The following SLC13A1 variants were observed in gnomAD, a reference collection of about 807,000 sequenced individuals.
The protein encoded by SLC13A1 is solute carrier family 13 member 1, also known as Na(+)/sulfate cotransporter.
A neutral mutation model predicts 70.0 loss-of-function variants in SLC13A1; 65 were observed. The ratio of observed to expected loss-of-function variants is 0.93; its 90% confidence interval spans 0.76 to 1.14. SLC13A1 has a LOEUF of 1.14. SLC13A1 is among the 50% of genes most tolerant of loss of function. SLC13A1 has a pLI of 0.00. For missense variants in SLC13A1, 726 were observed against 717.8 expected (o/e 1.01, Z -0.13); for synonymous variants, 275 against 250.5 (o/e 1.10, Z -0.92).
chr7:123,148,987 A>G (rs912503338), intron 6 of SLC13A1, among the ~76,000 whole-genome samples: 1 of 151,924 alleles, frequency 6.6e-6, no homozygotes, highest in Non-Finnish European at 1.5e-5. Context: ...TTTTGAAATG[A>G]CTCCATCTGG....
chr7:123,172,450 ATC>A (rs1009693865), intron 2 of SLC13A1, among the ~76,000 whole-genome samples: 1 of 152,150 alleles, frequency 6.6e-6, no homozygotes, highest in African/African-American at 2.4e-5. Flanking sequence ...GTGAAACCCT[ATC>A]TCTACCAAAA....
At chr7:123,188,972 G>A (rs955085139) in intron 1 of SLC13A1, among the ~76,000 whole-genome samples, 18 of 150,856 alleles carry the variant, frequency 1.2e-4, no homozygotes, top group Non-Finnish European at 2.1e-4. Context: ...AAAATTAGCC[G>A]GGTGTAGTGG....
At chr7:123,167,176 T>C (rs149664383) in intron 6 of SLC13A1, among the ~76,000 whole-genome samples, 3,853 of 152,270 alleles carry the variant, frequency 0.025, 65 homozygotes, top group Non-Finnish European at 0.03. Context: ...CTATTTGACC[T>C]AGCCATCCCA....
At chr7:123,151,199 C>G (rs1794543192) in intron 6 of SLC13A1, among the ~76,000 whole-genome samples, 1 of 151,962 alleles carries the variant, frequency 6.6e-6, no homozygotes, top group Non-Finnish European at 1.5e-5. Context: ...TTGCAGGCAC[C>G]TGTAATCCCC....
At position 123,180,978 on chromosome 7, in the gene SLC13A1, T is replaced by C; in HGVS notation, c.223A>G (p.Lys75Glu). 6.2e-7 allele frequency: 1 copy of C among 1,610,802 alleles called. No individual in the cohort carries two copies. The highest frequency in any genetic ancestry group is 8.5e-7 in the Non-Finnish European group (1 of 1,178,116). Residue 75 changes from lysine to glutamate, a missense_variant, in exon 2 of 15, where the codon AAG becomes GAG. Lys to Glu is a moderately conservative substitution (Grantham distance 56). Transcript: ENST00000194130. Reference protein sequence around the residue: ...MLPMFGIMPSKKVASAYFKDF... With the variant: ...MLPMFGIMPSEKVASAYFKDF... ...ACATTGGCAAGAGGACTTACCTTCT[T>C]AGAAGGCATGATCCCAAACATGGGT...
chr7:123,133,230 C>T (rs1240017748), intron 8 of SLC13A1, among the ~76,000 whole-genome samples: 1 of 152,088 alleles, frequency 6.6e-6, no homozygotes, highest in African/African-American at 2.4e-5. Flanking sequence ...GAATTTTATT[C>T]CTGGTCTACT....
Position 123,114,082 on chromosome 7 carries a change from TCAAA to T in SLC13A1, c.*1432_*1435del, listed in dbSNP as rs1415168818. On this transcript the variant is annotated 3_prime_UTR_variant, in exon 15 of 15. Coordinates refer to ENST00000194130, the MANE Select transcript of SLC13A1 (RefSeq NM_022444.4). ...CTGGGCGACAGAGCGAGACTCCGTC[TCAAA>T]AAAAAAAAAAAAAAAAAAAAAGCAA... 1 of 31,070 alleles carries T rather than the reference TCAAA, an allele frequency of 3.2e-5. No individual in the cohort carries two copies. Among genetic ancestry groups the T allele is most frequent in the African/African-American group, 1.2e-4 (1 of 8,562 alleles). 1.9% of individuals were successfully genotyped at this position (31,070 alleles called of 1,614,324 possible).
At chr7:123,171,740 A>T in intron 3 of SLC13A1, 28 bp downstream of exon 3, 1 of 1,611,868 alleles carries the variant, frequency 6.2e-7, no homozygotes, top group Non-Finnish European at 8.5e-7. Flanking sequence ...TCAGCAGGTA[A>T]ACTGGAAGCA....
intron 1 of SLC13A1, chr7:123,186,725 T>A (rs1795814027): frequency 2.2e-6 from 1 of 455,674 alleles, no homozygotes; most frequent in South Asian, 1.6e-5. Flanking sequence ...TGCTGATACA[T>A]CCGATATCGT....
intron 1 of SLC13A1, among the ~76,000 whole-genome samples, chr7:123,196,135 C>G (rs1251845796): frequency 6.6e-6 from 1 of 151,938 alleles, no homozygotes; most frequent in Non-Finnish European, 1.5e-5. Flanking sequence ...GCCAGTTTTA[C>G]CAAGATTTTA....
chr7:123,137,996 A>G (rs777285713), intron 7 of SLC13A1, among the ~76,000 whole-genome samples: 14 of 152,146 alleles, frequency 9.2e-5, no homozygotes, highest in Non-Finnish European at 1.8e-4. Flanking sequence ...TTGTCCTATC[A>G]AATACTAGGT....
At chr7:123,128,804 TA>T in intron 10 of SLC13A1, 40 bp downstream of exon 10, 1 of 1,328,472 alleles carries the variant, frequency 7.5e-7, no homozygotes, top group African/African-American at 1.5e-5. Context: ...AAGCAGAGTA[TA>T]AAACAGGAAG....
At position 123,115,517 on chromosome 7, in the gene SLC13A1, A is replaced by G. The variant is rs28364227; in HGVS notation, c.*1T>C. On this transcript the variant is annotated 3_prime_UTR_variant, in exon 15 of 15. Transcript: ENST00000194130. ...CAAGATAGTCAGAAATTTTGTGCTT[A>G]TTATGGCATGGTCTCATTACTCATA... 20 of 1,606,336 alleles carry G rather than the reference A, an allele frequency of 1.2e-5. No individual in the cohort carries two copies. The highest frequency in any genetic ancestry group is 1.6e-5 in the Non-Finnish European group (19 of 1,175,326).
At chr7:123,130,237 T>C (rs547426624) in intron 8 of SLC13A1, among the ~76,000 whole-genome samples, 3 of 152,268 alleles carry the variant, frequency 2.0e-5, no homozygotes, top group African/African-American at 4.8e-5. Context: ...GGAATATAAA[T>C]CATTCTGTTT....
chr7:123,169,638 A>C (rs756640092), intron 3 of SLC13A1, among the ~76,000 whole-genome samples: 1 of 140,048 alleles, frequency 7.1e-6, no homozygotes, highest in Non-Finnish European at 1.6e-5. Context: ...GTTATATGAC[A>C]TAACAGCTTA....
intron 2 of SLC13A1, among the ~76,000 whole-genome samples, chr7:123,178,033 C>CTCTCTCTCTCTCTCTCTCTCTCTATA (rs761704605): frequency 2.7e-5 from 4 of 149,958 alleles, no homozygotes; most frequent in African/African-American, 9.8e-5. Flanking sequence ...CTCTCTCTCT[C>CTCTCTCTCTCTCTCTCTCTCTCTATA]TATATATATA....
chr7:123,189,782 T>C (rs1023127909), intron 1 of SLC13A1, among the ~76,000 whole-genome samples: 2 of 152,038 alleles, frequency 1.3e-5, no homozygotes, highest in Admixed American at 1.3e-4. Context: ...TTACAATCCT[T>C]TTGGAGATTT....
chr7:123,126,165 A>G (rs1793552655), intron 10 of SLC13A1, among the ~76,000 whole-genome samples: 1 of 152,210 alleles, frequency 6.6e-6, no homozygotes, highest in African/African-American at 2.4e-5. Context: ...GTGAAAAGGA[A>G]TTGATCTGTT....
intron 2 of SLC13A1, among the ~76,000 whole-genome samples, chr7:123,174,680 T>C (rs1308357348): frequency 2.0e-5 from 3 of 152,184 alleles, no homozygotes; most frequent in Non-Finnish European, 2.9e-5. Flanking sequence ...TTCTTCAGTA[T>C]AGTTTTTAAG....
Sources: allele counts gnomAD v4.1 joint callset (sites outside exome capture counted in the v4.1 genomes callset), GRCh38; gene constraint gnomAD v4.1.1; transcripts MANE v1.5; gene names NCBI Gene and HGNC (gene_info 2026-07-23, HGNC 2026-07-21).